Variants in USP9X observed in about 807,000 individuals in gnomAD.
USP9X encodes the protein ubiquitin carboxyl-terminal hydrolase 9X.
Under a neutral mutation model 190.3 loss-of-function variants are expected in USP9X, and 7 were observed. The ratio of observed to expected loss-of-function variants is 0.04; its 90% CI spans 0.02 to 0.07. The LOEUF (loss-of-function observed/expected upper bound fraction) is 0.07, where lower values mean the gene tolerates loss of function less well. USP9X is among the 10% of genes least tolerant of loss of function. USP9X has a pLI of 1.00. For missense variants in USP9X, 1,010 were observed against 1,916.9 expected (o/e 0.53, Z 8.83); for synonymous variants, 645 against 659.5 (o/e 0.98, Z 0.34).
chrX:41,169,712 T>TA (rs2062708009), intron 18 of USP9X, among the ~76,000 whole-genome samples: 1 of 111,607 alleles, frequency 9.0e-6, no homozygotes, highest in Non-Finnish European at 1.9e-5. Context: ...CGCCTCGGCC[T>TA]CCCAAAGTGC....
rs2147158580 is a variant in USP9X at position 41,184,495 on chromosome X, A to G, written c.3378A>G (p.Val1126=). The change falls in exon 23 of 45, where the codon GTA becomes GTG. Residue 1126 remains valine, a synonymous_variant. Transcript: ENST00000378308. ...TGAAAAGTGGTGGCCTACCCCTTGT[A>G]CTGAGTATGCTAACCAGAAATAACT... ...HFLKSGGLPL[V]LSMLTRNNFL... 8 of 1,211,006 alleles carry G rather than the reference A, an allele frequency of 6.6e-6. No individual in the cohort carries two copies. Among genetic ancestry groups the G allele is most frequent in the South Asian group, 1.8e-5 (1 of 56,946 alleles).
intron 1 of USP9X, among the ~76,000 whole-genome samples, chrX:41,112,805 A>G (rs1601942290): frequency 8.9e-6 from 1 of 112,852 alleles, no homozygotes; most frequent in East Asian, 2.8e-4. Context: ...AATGTTTGCA[A>G]ATGAGATTAC....
chrX:41,211,808 C>G lies in USP9X; in HGVS notation c.5189+1126C>G, dbSNP rs749517747. On this transcript the variant is annotated intron_variant, in intron 33 of 44. Transcript: ENST00000378308. ...ACTGGGAAGTGAGGAGCCCCTCTGC[C>G]CGGACAGCCGCCCCGTCCGGGAGGG... 1.4e-4 allele frequency among the ~76,000 whole-genome samples: 15 copies of G among 107,621 alleles called. 1 individual carries two copies. In the East Asian group the frequency reaches 4.0e-3, roughly 28 times the overall value. The allele number at this position is 107,621 out of a possible 115,157, so 93.5% of individuals were successfully genotyped here.
intron 15 of USP9X, among the ~76,000 whole-genome samples, chrX:41,164,190 T>C (rs1390513063): frequency 9.0e-6 from 1 of 111,629 alleles, no homozygotes; most frequent in Non-Finnish European, 1.9e-5. Flanking sequence ...TAATAACATA[T>C]TCTGGGTAGT....
chrX:41,191,391 A>T (rs772778606), intron 26 of USP9X, among the ~76,000 whole-genome samples: 53 of 110,841 alleles, frequency 4.8e-4, no homozygotes, highest in African/African-American at 1.6e-3. Flanking sequence ...GTTTCAAATA[A>T]GGGATTGTGA....
intron 13 of USP9X, among the ~76,000 whole-genome samples, chrX:41,151,327 A>G (rs928186758): frequency 1.8e-5 from 2 of 111,792 alleles, no homozygotes; most frequent in Non-Finnish European, 3.8e-5. Context: ...TATACATACT[A>G]TATTTCCAGC....
At chrX:41,119,049 T>C (rs1237296475) in intron 1 of USP9X, among the ~76,000 whole-genome samples, 1 of 111,800 alleles carries the variant, frequency 8.9e-6, no homozygotes, top group East Asian at 2.8e-4. Context: ...CTGTGGACCT[T>C]CTTCTCATGC....
At chrX:41,209,793 T>C (rs2063143041) in intron 32 of USP9X, among the ~76,000 whole-genome samples, 1 of 112,480 alleles carries the variant, frequency 8.9e-6, no homozygotes, top group South Asian at 3.7e-4. Context: ...TTTACAAAAG[T>C]ATAAACAGAC....
chrX:41,089,920 T>G (rs1198992807), intron 1 of USP9X, among the ~76,000 whole-genome samples: 3 of 83,391 alleles, frequency 3.6e-5, no homozygotes, highest in Admixed American at 1.4e-4. Context: ...TTTTTTTTTT[T>G]TTTTTTTTTT....
At chrX:41,170,379 T>G in intron 19 of USP9X, 91 bp from the exon 20 acceptor site, 2 of 1,098,015 alleles carry the variant, frequency 1.8e-6, no homozygotes, top group South Asian at 2.1e-5. Context: ...ATGTAGTCTT[T>G]CGGATTTTTT....
intron 21 of USP9X, among the ~76,000 whole-genome samples, chrX:41,179,098 T>C (rs1276085114): frequency 8.9e-6 from 1 of 112,095 alleles, no homozygotes; most frequent in Non-Finnish European, 1.9e-5. Flanking sequence ...AATACCATGC[T>C]GTTTTGGTTA....
intron 12 of USP9X, among the ~76,000 whole-genome samples, chrX:41,149,232 G>T (rs1420471052): frequency 1.8e-5 from 2 of 111,571 alleles, no homozygotes; most frequent in Admixed American, 9.5e-5. Flanking sequence ...TAGTAATAAG[G>T]GCCTTGAGTA....
chrX:41,197,335 C>A (rs762233593), intron 28 of USP9X, 29 bp from the exon 29 acceptor site: 1 of 335,588 alleles, frequency 3.0e-6, no homozygotes, highest in Non-Finnish European at 4.3e-6. Flanking sequence ...ATTTCTTCCC[C>A]CCCCCACCCC....
At chrX:41,159,270 A>T (rs865855699) in intron 14 of USP9X, among the ~76,000 whole-genome samples, 2 of 111,643 alleles carry the variant, frequency 1.8e-5, no homozygotes, top group Non-Finnish European at 3.8e-5. Flanking sequence ...CTTCATACCT[A>T]CTAGGGTGAC....
chrX:41,184,840 C>T (rs1467373514), intron 23 of USP9X, 165 bp downstream of exon 23: 4 of 424,050 alleles, frequency 9.4e-6, no homozygotes, highest in Non-Finnish European at 1.5e-5. Context: ...AAATACTTTT[C>T]GCTGACAGCT....
At chrX:41,183,123 G>A (rs1055710696) in intron 21 of USP9X, among the ~76,000 whole-genome samples, 3 of 110,056 alleles carry the variant, frequency 2.7e-5, no homozygotes, top group Admixed American at 1.9e-4. Context: ...ATTTTTAGTA[G>A]AGATGGGGTT....
chrX:41,110,320 C>G (rs1289278986), intron 1 of USP9X, among the ~76,000 whole-genome samples: 1 of 112,508 alleles, frequency 8.9e-6, no homozygotes, highest in Non-Finnish European at 1.9e-5. Flanking sequence ...ATAACAGTGA[C>G]AACGATACTT....
chrX:41,181,242 G>GAC (rs2062821773), intron 21 of USP9X, among the ~76,000 whole-genome samples: 1 of 106,696 alleles, frequency 9.4e-6, no homozygotes, highest in African/African-American at 3.4e-5. Context: ...ATTCACCTGG[G>GAC]ACACATAGCT....
chrX:41,170,610 G>T lies in USP9X; in HGVS notation c.3018G>T (p.Leu1006Phe). The T allele has an allele frequency of 8.3e-7, 1 of 1,209,824 alleles. No individual in the cohort carries two copies. Among genetic ancestry groups the T allele is most frequent in the Non-Finnish European group, 1.1e-6 (1 of 894,613 alleles). Residue 1006 changes from leucine (L) to phenylalanine (F), a missense_variant, in exon 20 of 45, where the codon TTG becomes TTT. Physicochemically the swap from Leu to Phe is conservative, Grantham distance 22 (BLOSUM62 0). Coordinates refer to ENST00000378308, the MANE Select transcript of USP9X (RefSeq NM_001039591.3). ...CCAATCCAGAAGTGGAAAGCTGTTTGCCTGGAGTGGTGAGTAGATACAGTT... is the reference window on the plus strand; with the variant it reads ...CCAATCCAGAAGTGGAAAGCTGTTTTCCTGGAGTGGTGAGTAGATACAGTT... ...DGPNPEVESC[L>F]PGVIMSLHPR...
Sources: allele counts gnomAD v4.1 joint callset (sites outside exome capture counted in the v4.1 genomes callset), GRCh38; gene constraint gnomAD v4.1.1; transcripts MANE v1.5; gene names NCBI Gene and HGNC (gene_info 2026-07-23, HGNC 2026-07-21).